ADARB2: variants seen among roughly 807,000 people sequenced by gnomAD.
ADARB2 encodes adenosine deaminase RNA specific B2 (inactive), also known as inactive double-stranded RNA-specific editase B2.
A neutral mutation model predicts 62.2 loss-of-function variants in ADARB2; 25 were observed. The observed-to-expected ratio is 0.40, with a 90% CI of 0.29 to 0.56. ADARB2 has a LOEUF of 0.56. ADARB2 is among the 20% of genes least tolerant of loss of function. ADARB2 has a pLI of 0.43. For missense variants in ADARB2, 1,071 were observed against 1,077.4 expected (o/e 0.99, Z 0.08); for synonymous variants, 572 against 500.8 (o/e 1.14, Z -1.90).
chr10:1,198,907 T>C (rs1589148991), intron 8 of ADARB2, among the ~76,000 whole-genome samples: 1 of 151,866 alleles, frequency 6.6e-6, no homozygotes, highest in Admixed American at 6.6e-5. Context: ...GGGGAGGGCG[T>C]GGTTGCATTT....
At chr10:1,201,841 C>T (rs1449154040) in intron 7 of ADARB2, among the ~76,000 whole-genome samples, 8 of 100,100 alleles carry the variant, frequency 8.0e-5, no homozygotes, top group African/African-American at 2.6e-4. Flanking sequence ...GGACACACAG[C>T]GCCTGTCACT....
intron 3 of ADARB2, among the ~76,000 whole-genome samples, chr10:1,316,108 T>A (rs1178790462): frequency 6.6e-6 from 1 of 152,268 alleles, no homozygotes; most frequent in East Asian, 1.9e-4. Context: ...TTAATTTTTT[T>A]AAAGACTGAG....
intron 3 of ADARB2, among the ~76,000 whole-genome samples, chr10:1,356,180 C>A (rs1253725306): frequency 2.0e-5 from 3 of 152,166 alleles, no homozygotes; most frequent in African/African-American, 7.2e-5. Context: ...GCTGGATCTG[C>A]AGGACTGTTT....
intron 3 of ADARB2, among the ~76,000 whole-genome samples, chr10:1,336,017 C>T (rs1043078490): frequency 9.9e-5 from 15 of 152,170 alleles, no homozygotes; most frequent in South Asian, 2.1e-4. Flanking sequence ...ATAATTAGCT[C>T]TTATTCAAAA....
intron 1 of ADARB2, among the ~76,000 whole-genome samples, chr10:1,625,463 T>G (rs545263027): frequency 1.3e-5 from 2 of 152,152 alleles, no homozygotes; most frequent in African/African-American, 4.8e-5. Context: ...ATGGAAACAA[T>G]GCTGGGATCC....
At chr10:1,711,072 T>A (rs1261258015) in intron 1 of ADARB2, among the ~76,000 whole-genome samples, 4 of 152,146 alleles carry the variant, frequency 2.6e-5, no homozygotes, top group Non-Finnish European at 4.4e-5. Flanking sequence ...CACCCCGAGC[T>A]TGCCAGGCCC....
chr10:1,437,915 C>G (rs1830852271), intron 1 of ADARB2, among the ~76,000 whole-genome samples: 1 of 152,210 alleles, frequency 6.6e-6, no homozygotes, highest in African/African-American at 2.4e-5. Flanking sequence ...TATCTTTAAT[C>G]TTCAACGCGA....
intron 3 of ADARB2, among the ~76,000 whole-genome samples, chr10:1,357,293 T>C (rs138206245): frequency 2.4e-3 from 362 of 152,300 alleles, no homozygotes; most frequent in Non-Finnish European, 4.4e-3. Context: ...AAATCGTTAG[T>C]GTCCCCACCC....
chr10:1,286,225 C>G (rs913153420), intron 3 of ADARB2, among the ~76,000 whole-genome samples: 1 of 152,098 alleles, frequency 6.6e-6, no homozygotes, highest in Non-Finnish European at 1.5e-5. Flanking sequence ...CGTCTAGACC[C>G]GGGAAGTAGG....
intron 3 of ADARB2, among the ~76,000 whole-genome samples, chr10:1,351,434 TG>T (rs1376323409): frequency 1.3e-5 from 2 of 151,772 alleles, no homozygotes; most frequent in Admixed American, 6.6e-5. Flanking sequence ...TCCCCAACTC[TG>T]GTGCCAACTT....
At chr10:1,241,947 A>G (rs1025963539) in intron 5 of ADARB2, among the ~76,000 whole-genome samples, 184 bp downstream of exon 5, 2 of 152,242 alleles carry the variant, frequency 1.3e-5, no homozygotes, top group Admixed American at 1.3e-4. Context: ...TTCCCAGCGC[A>G]CACGGCGGCT....
At chr10:1,490,028 A>T (rs1831600616) in intron 1 of ADARB2, among the ~76,000 whole-genome samples, 1 of 152,244 alleles carries the variant, frequency 6.6e-6, no homozygotes, top group South Asian at 2.1e-4. Context: ...CAATTTTGTG[A>T]TAAACAGAAG....
intron 1 of ADARB2, among the ~76,000 whole-genome samples, chr10:1,563,970 T>TAC: frequency 6.7e-6 from 1 of 150,216 alleles, no homozygotes; most frequent in Non-Finnish European, 1.5e-5. Flanking sequence ...TCATCATTTT[T>TAC]TATGGCTGCA....
intron 2 of ADARB2, among the ~76,000 whole-genome samples, chr10:1,378,675 G>A (rs1210866971): frequency 6.6e-6 from 1 of 151,970 alleles, no homozygotes; most frequent in South Asian, 2.1e-4. Context: ...CTCCAGGTGC[G>A]GGTGGGACCA....
intron 2 of ADARB2, among the ~76,000 whole-genome samples, chr10:1,370,216 G>A (rs10751797): frequency 0.79 from 120,098 of 152,132 alleles, 51,087 homozygotes; most frequent in Non-Finnish European, 0.94. Context: ...GGGTCATCTC[G>A]ACAGATGTAT....
At chr10:1,362,453 A>G (rs1289623770) in intron 3 of ADARB2, among the ~76,000 whole-genome samples, 1 of 152,214 alleles carries the variant, frequency 6.6e-6, no homozygotes, top group East Asian at 1.9e-4. Flanking sequence ...GTCTGGAGTG[A>G]GTGAAGGTAA....
At chr10:1,352,013 T>G (rs182225805) in intron 3 of ADARB2, among the ~76,000 whole-genome samples, 3,122 of 150,714 alleles carry the variant, frequency 0.021, 127 homozygotes, top group African/African-American at 0.073. Context: ...CTTTGCACCC[T>G]TCATCCCAGC....
At chr10:1,206,006 G>C (rs1472907992) in intron 7 of ADARB2, among the ~76,000 whole-genome samples, 1 of 152,050 alleles carries the variant, frequency 6.6e-6, no homozygotes, top group Admixed American at 6.5e-5. Context: ...GCTGGGGTCA[G>C]GTGGTTCACG....
chr10:1,669,362 C>T (rs1834351866), intron 1 of ADARB2, among the ~76,000 whole-genome samples: 1 of 152,176 alleles, frequency 6.6e-6, no homozygotes, highest in South Asian at 2.1e-4. Flanking sequence ...CTGGAAGCTA[C>T]CACCACCCAC....
Sources: gnomAD v4.1 joint callset for allele counts (sites outside exome capture counted in the v4.1 genomes callset) on GRCh38, gnomAD v4.1.1 for gene constraint, MANE v1.5 for transcripts, NCBI Gene and HGNC (gene_info 2026-07-23, HGNC 2026-07-21) for gene names.